ZNF57: variants seen among roughly 807,000 people sequenced by gnomAD.
ZNF57 encodes zinc finger protein 424.
In ZNF57, 11 loss-of-function variants were observed where a neutral mutation model predicts 13.4. The observed-to-expected ratio is 0.82, with a 90% confidence interval of 0.52 to 1.36. The LOEUF (loss-of-function observed/expected upper bound fraction) is 1.36. Among genes scored for constraint, ZNF57 ranks in the 40% most tolerant of loss-of-function variants. The pLI is 0.00. For missense variants in ZNF57, 696 were observed against 667.5 expected, an observed-to-expected ratio of 1.04 and a Z score of -0.47; for synonymous variants, 224 against 238.5, an observed-to-expected ratio of 0.94 and a Z score of 0.56.
intron 2 of ZNF57, 70 bp downstream of exon 2, chr19:2,915,718 G>A: frequency 6.2e-7 from 1 of 1,609,602 alleles, no homozygotes; most frequent in Non-Finnish European, 8.5e-7. Context: ...TCTGTTGCAA[G>A]ATGTGAAATG....
chr19:2,901,044 A>G lies in ZNF57; in HGVS notation c.-2A>G. 1 of 1,560,254 alleles carries G rather than the reference A, an allele frequency of 6.4e-7. No homozygotes were observed. The highest frequency in any genetic ancestry group is 8.7e-7 in the Non-Finnish European group (1 of 1,151,586). ...CTTGGAGAGCCCAGGAGCAGGGGAGACATGGTGAGTGCGAGGCAGGAGCAG... is the reference window on the plus strand; with the variant it reads ...CTTGGAGAGCCCAGGAGCAGGGGAGGCATGGTGAGTGCGAGGCAGGAGCAG... On this transcript the variant is annotated 5_prime_UTR_variant, in exon 1 of 4. Transcript: ENST00000306908.
rs551417953 is a variant in ZNF57 at position 2,909,716 on chromosome 19, T to A, written c.4-5806T>A. On this transcript the variant is annotated intron_variant, in intron 1 of 3. Transcript: ENST00000306908. ...GCTAATTTTTTCTTAATTTTAGAAA[T>A]GGGGTCTCACTGTGTTGCCCAGGGT... is the stretch of plus-strand genomic sequence containing the variant. Among the ~76,000 whole-genome samples the A allele has an allele frequency of 4.2e-5, 2 of 47,422 alleles. 1 individual carries two copies. Among genetic ancestry groups the A allele is most frequent in the South Asian group, 1.4e-3 (2 of 1,448 alleles). 31.1% of individuals were successfully genotyped at this position (47,422 alleles called of 152,430 possible).
Position 2,917,618 on chromosome 19 carries a change from G to C in ZNF57, c.997G>C (p.Asp333His). The C allele has an allele frequency of 1.2e-6, 2 of 1,613,680 alleles. No individual in the cohort carries two copies. Among genetic ancestry groups the C allele is most frequent in the Non-Finnish European group, 1.7e-6 (2 of 1,179,754 alleles). The part of the protein sequence containing the change: ...LRVHMRIHTG[D>H]KLYKCEHCGK... The stretch of plus-strand genomic sequence containing the variant: ...AGTCCACATGAGGATCCACACTGGG[G>C]ACAAACTCTATAAATGTGAACACTG... The change falls in exon 4 of 4, where the codon GAC (aspartate) becomes CAC (histidine). Residue 333 changes from aspartate (D) to histidine (H), a missense_variant. Asp to His is a moderately conservative substitution (Grantham distance 81). This residue lies in a region of ZNF57 where 645 missense variants were observed against 591.5 expected (regional missense o/e 1.09). Coordinates refer to ENST00000306908, the MANE Select transcript of ZNF57 (RefSeq NM_173480.3).
intron 1 of ZNF57, among the ~76,000 whole-genome samples, chr19:2,905,177 T>C (rs1283267503): frequency 6.6e-6 from 1 of 152,038 alleles, no homozygotes; most frequent in Non-Finnish European, 1.5e-5. Context: ...TATTTTTTCT[T>C]TTTTTGAGAT....
At chr19:2,915,734 A>G in intron 2 of ZNF57, 86 bp downstream of exon 2, 1 of 1,600,142 alleles carries the variant, frequency 6.2e-7, no homozygotes, top group South Asian at 1.1e-5. Context: ...AAATGTGGGA[A>G]AGGACTAAGA....
At chr19:2,911,965 T>A (rs1472641676) in intron 1 of ZNF57, among the ~76,000 whole-genome samples, 1 of 152,246 alleles carries the variant, frequency 6.6e-6, no homozygotes, top group Non-Finnish European at 1.5e-5. Flanking sequence ...GGGTTCTGCT[T>A]TATCTCTTCA....
At chr19:2,913,143 G>A (rs1049183398) in intron 1 of ZNF57, among the ~76,000 whole-genome samples, 9 of 152,068 alleles carry the variant, frequency 5.9e-5, no homozygotes, top group East Asian at 3.9e-4. Context: ...TAGTAGAGAC[G>A]GGGTTTCACC....
chr19:2,916,395 G>A lies in ZNF57; in HGVS notation c.302+146G>A, dbSNP rs369436998. On this transcript the variant is annotated intron_variant, in intron 3 of 3. Coordinates refer to ENST00000306908, the MANE Select transcript of ZNF57 (RefSeq NM_173480.3). Reference sequence around the variant, plus strand: ...AATTTGTATTTGACTAAGACATTGAGAATTTGAAACATAATTGTTAGAAGT... The same window carrying A: ...AATTTGTATTTGACTAAGACATTGAAAATTTGAAACATAATTGTTAGAAGT... 3 of 724,748 alleles carry A rather than the reference G, an allele frequency of 4.1e-6. 1 individual carries two copies. The African/African-American group carries it at 5.4e-5, about 13-fold the overall frequency. 44.9% of individuals were successfully genotyped at this position (724,748 alleles called of 1,614,324 possible). A position where few individuals can be genotyped will look rare whatever the true frequency, so the allele number is the denominator to read the frequency against.
chr19:2,907,925 G>A (rs888761203), intron 1 of ZNF57, among the ~76,000 whole-genome samples: 2 of 152,118 alleles, frequency 1.3e-5, no homozygotes, highest in African/African-American at 2.4e-5. Context: ...TGTCGCCCAG[G>A]GTGGTCTCAA....
In ZNF57 at chr19:2,904,849, C is replaced by T. The variant is rs186891253; in HGVS notation, c.3+3801C>T. ...GAGCCACACTGCACCTGGCCTCCCT[C>T]GTAGCTTACTGTCTGTGTGTGGGCA... is the stretch of plus-strand genomic sequence containing the variant. On this transcript the variant is annotated intron_variant, in intron 1 of 3. Coordinates refer to ENST00000306908, the MANE Select transcript of ZNF57 (RefSeq NM_173480.3). Among the ~76,000 whole-genome samples the T allele has an allele frequency of 1.6e-3, 240 of 152,014 alleles. 2 individuals are homozygous for T. Among genetic ancestry groups the T allele is most frequent in the Admixed American group, 0.015 (227 of 15,258 alleles).
intron 1 of ZNF57, among the ~76,000 whole-genome samples, chr19:2,901,306 T>G: frequency 2.2e-5 from 1 of 45,370 alleles, no homozygotes; most frequent in Admixed American, 3.0e-4. Flanking sequence ...TGGAGGTAGT[T>G]TGGGGGGACG....
Position 2,900,984 on chromosome 19 carries a change from C to T in ZNF57, c.-62C>T. On this transcript the variant is annotated 5_prime_UTR_variant, in exon 1 of 4. Transcript: ENST00000306908. ...GCGGCCCGGGAGTACCTGTACCTTT[C>T]AGCTGCGCCGGCCGCGAGGCCACGG... The T allele has an allele frequency of 5.8e-6, 9 of 1,549,394 alleles. No homozygotes were observed. Among genetic ancestry groups the T allele is most frequent in the Admixed American group, 2.0e-5 (1 of 50,858 alleles).
intron 1 of ZNF57, among the ~76,000 whole-genome samples, chr19:2,903,766 G>A (rs1006140536): frequency 6.7e-6 from 1 of 150,228 alleles, no homozygotes; most frequent in Non-Finnish European, 1.5e-5. Context: ...CCAGGCTGGA[G>A]TGCAGTGGTG....
At position 2,917,317 on chromosome 19, in the gene ZNF57, G is replaced by C. The variant is rs140425321; in HGVS notation, c.696G>C (p.Ala232=). The change falls in exon 4 of 4, where the codon GCG becomes GCC. Residue 232 remains alanine, a synonymous_variant. Transcript: ENST00000306908. ...ACAAATGCGAGCAGTGTCGGATGGC[G>C]TTTAATGGGTTCGCAAGCTTCACTA... The part of the protein sequence containing the change: ...KTYKCEQCRM[A]FNGFASFTRH... 1 of 1,613,982 alleles carries C rather than the reference G, an allele frequency of 6.2e-7. No homozygotes were observed. Among genetic ancestry groups the C allele is most frequent in the Non-Finnish European group, 8.5e-7 (1 of 1,179,978 alleles).
At chr19:2,906,635 G>A (rs1001145864) in intron 1 of ZNF57, among the ~76,000 whole-genome samples, 3 of 152,178 alleles carry the variant, frequency 2.0e-5, no homozygotes, top group Non-Finnish European at 4.4e-5. Flanking sequence ...CATCTGCTGC[G>A]TGGCTACCAG....
chr19:2,901,783 C>T (rs939536137), intron 1 of ZNF57, among the ~76,000 whole-genome samples: 16 of 152,160 alleles, frequency 1.1e-4, no homozygotes, highest in Non-Finnish European at 1.5e-4. Context: ...TCCCAAAGTG[C>T]TGGGATTACA....
In ZNF57 at chr19:2,917,309, C is replaced by A. The variant is rs2288957; in HGVS notation, c.688C>A (p.Arg230=). 7 of 1,613,894 alleles carry A rather than the reference C, an allele frequency of 4.3e-6. No individual in the cohort carries two copies. Among genetic ancestry groups the A allele is most frequent in the African/African-American group, 4.0e-5 (3 of 74,934 alleles). Residue 230 remains arginine, a synonymous_variant, in exon 4 of 4, where the codon CGG becomes AGG. Transcript: ENST00000306908. ...AEKTYKCEQC[R]MAFNGFASFT... ...GAAAACCTACAAATGCGAGCAGTGT[C>A]GGATGGCGTTTAATGGGTTCGCAAG...
At chr19:2,909,405 C>T (rs1439819747) in intron 1 of ZNF57, among the ~76,000 whole-genome samples, 3 of 64,194 alleles carry the variant, frequency 4.7e-5, no homozygotes, top group Admixed American at 3.4e-4. Context: ...CTCAGCCTCC[C>T]GAGTAGCTGG....
At chr19:2,902,870 T>C (rs1009734331) in intron 1 of ZNF57, among the ~76,000 whole-genome samples, 6 of 152,330 alleles carry the variant, frequency 3.9e-5, no homozygotes, top group Admixed American at 3.9e-4. Flanking sequence ...AAAGCACTGA[T>C]TCTGCTGCAT....
Sources: allele counts gnomAD v4.1 joint callset (sites outside exome capture counted in the v4.1 genomes callset), GRCh38; gene constraint gnomAD v4.1.1; regional missense constraint gnomAD v4.1.1; transcripts MANE v1.5; gene names NCBI Gene and HGNC (gene_info 2026-07-23, HGNC 2026-07-21).